The following IPO7 variants were observed in gnomAD, a reference collection of about 807,000 sequenced individuals.
IPO7 encodes importin 7, also known as importin-7.
A neutral mutation model predicts 136.4 loss-of-function variants in IPO7; 13 were observed. The ratio of observed to expected loss-of-function variants is 0.10; its 90% confidence interval spans 0.06 to 0.15. IPO7 has a LOEUF of 0.15. Among genes scored for constraint, IPO7 ranks in the 10% least tolerant of loss-of-function variants. The pLI, the probability that IPO7 is intolerant of heterozygous loss-of-function variation, is 1.00. For synonymous variants in IPO7, 403 were observed against 404.4 expected, an observed-to-expected ratio of 1.00 and a Z score of 0.04; for missense variants, 857 against 1,240.6, an observed-to-expected ratio of 0.69 and a Z score of 4.65.
chr11:9,427,813 G>A (rs543172891), intron 12 of IPO7, among the ~76,000 whole-genome samples: 1 of 152,272 alleles, frequency 6.6e-6, no homozygotes, highest in South Asian at 2.1e-4. Flanking sequence ...CCTTTTTAAA[G>A]TTTCACAAGA....
Position 9,435,035 on chromosome 11 carries a change from G to A in IPO7, c.2172+4G>A. Reference sequence around the variant, plus strand: ...GATATACAGTATGTGCAAAAAGGTAGGTCATTTTTATATATCAGATTTCAT... The same window carrying A: ...GATATACAGTATGTGCAAAAAGGTAAGTCATTTTTATATATCAGATTTCAT... On this transcript the variant is annotated splice_donor_region_variant and intron_variant, in intron 19 of 24. Transcript: ENST00000379719. The A allele has an allele frequency of 6.4e-7, 1 of 1,557,614 alleles. No homozygotes were observed. The highest frequency in any genetic ancestry group is 2.2e-5 in the East Asian group (1 of 44,544).
chr11:9,402,474 A>G (rs995772331), intron 1 of IPO7, among the ~76,000 whole-genome samples: 2 of 149,572 alleles, frequency 1.3e-5, no homozygotes, highest in Non-Finnish European at 3.0e-5. Context: ...CTGTAACCCC[A>G]GTACTTTCAG....
At chr11:9,396,984 C>T (rs533512279) in intron 1 of IPO7, among the ~76,000 whole-genome samples, 1 of 151,946 alleles carries the variant, frequency 6.6e-6, no homozygotes, top group African/African-American at 2.4e-5. Flanking sequence ...AGAAAGTTTC[C>T]GTGATACTCT....
At position 9,425,281 on chromosome 11, in the gene IPO7, G is replaced by T; in HGVS notation, c.1335+19G>T. The T allele has an allele frequency of 1.5e-6, 2 of 1,323,378 alleles. No homozygotes were observed. The highest frequency in any genetic ancestry group is 2.3e-5 in the South Asian group (2 of 85,254). The allele number at this position is 1,323,378 out of a possible 1,614,324, so 82.0% of individuals were successfully genotyped here. ...TCTGAAGGTATTCTTTAGTGTGTTTGTATGTGCATGACTATGCAAGTAGTT... is the reference window on the plus strand; with the variant it reads ...TCTGAAGGTATTCTTTAGTGTGTTTTTATGTGCATGACTATGCAAGTAGTT... On this transcript the variant is annotated intron_variant, in intron 12 of 24. Coordinates refer to ENST00000379719, the MANE Select transcript of IPO7 (RefSeq NM_006391.3).
At chr11:9,437,482 C>T (rs2133764084) in intron 20 of IPO7, among the ~76,000 whole-genome samples, 1 of 151,786 alleles carries the variant, frequency 6.6e-6, no homozygotes, top group East Asian at 2.0e-4. Context: ...TCTTGATCTC[C>T]TGACCTCGTG....
rs746297054 is a variant in IPO7 at position 9,445,061 on chromosome 11, A to T, written c.3020-36A>T. On this transcript the variant is annotated intron_variant, in intron 24 of 24. Coordinates refer to ENST00000379719, the MANE Select transcript of IPO7 (RefSeq NM_006391.3). ...CAGTTTCTCACCAAGTTAGTAGATG[A>T]TTGAATGCCCTACTAAAATTTTATT... 3 of 1,303,128 alleles carry T rather than the reference A, an allele frequency of 2.3e-6. No individual in the cohort carries two copies. In the African/African-American group the frequency reaches 4.4e-5, roughly 19 times the overall value. 80.7% of individuals were successfully genotyped at this position (1,303,128 alleles called of 1,614,324 possible).
At chr11:9,414,437 G>C in intron 5 of IPO7, 26 bp downstream of exon 5, 1 of 1,475,686 alleles carries the variant, frequency 6.8e-7, no homozygotes, top group Non-Finnish European at 9.2e-7. Context: ...CAGTTTTTAT[G>C]CATAAAAAGT....
At chr11:9,437,032 C>G (rs1056391150) in intron 20 of IPO7, among the ~76,000 whole-genome samples, 6 of 149,210 alleles carry the variant, frequency 4.0e-5, no homozygotes, top group African/African-American at 1.2e-4. Context: ...TTATAGGTGC[C>G]TGCCACCACA....
chr11:9,400,661 G>A (rs7396544), intron 1 of IPO7, among the ~76,000 whole-genome samples: 79,001 of 151,188 alleles, frequency 0.52, 22,621 homozygotes, highest in Non-Finnish European at 0.65. Flanking sequence ...TGACCTCGTG[G>A]TCCGCCCGCC....
chr11:9,433,740 C>T lies in IPO7; in HGVS notation c.1968C>T (p.Phe656=). Residue 656 remains phenylalanine (F), a synonymous_variant, in exon 18 of 25, where the codon TTC becomes TTT. Coordinates refer to ENST00000379719, the MANE Select transcript of IPO7 (RefSeq NM_006391.3). ...TTTTAGAATTCTATGAGGAGATCTTCTCTTTAGCGCACAGTTTGACATGTC... is the reference window on the plus strand; with the variant it reads ...TTTTAGAATTCTATGAGGAGATCTTTTCTTTAGCGCACAGTTTGACATGTC... ...QHVLEFYEEI[F]SLAHSLTCQQ... The T allele has an allele frequency of 6.2e-7, 1 of 1,612,494 alleles. No homozygotes were observed. Among genetic ancestry groups the T allele is most frequent in the Non-Finnish European group, 8.5e-7 (1 of 1,179,956 alleles).
intron 10 of IPO7, 66 bp from the exon 11 acceptor site, chr11:9,424,848 C>T (rs1394688623): frequency 9.9e-7 from 1 of 1,006,496 alleles, no homozygotes; most frequent in Non-Finnish European, 1.5e-6. Context: ...AAAGATTAAG[C>T]ATGTTTTTTA....
intron 1 of IPO7, among the ~76,000 whole-genome samples, chr11:9,388,864 G>T (rs1208505049): frequency 6.6e-6 from 1 of 152,028 alleles, no homozygotes; most frequent in East Asian, 1.9e-4. Flanking sequence ...ACCACGCCTG[G>T]CCTAATTTTA....
intron 1 of IPO7, among the ~76,000 whole-genome samples, chr11:9,400,612 C>T (rs1030079472): frequency 4.6e-5 from 7 of 151,732 alleles, no homozygotes; most frequent in Non-Finnish European, 7.4e-5. Flanking sequence ...TTAGTACAGA[C>T]GGGATTTCAC....
Position 9,442,093 on chromosome 11 carries a change from G to T in IPO7, c.2915G>T (p.Arg972Leu), listed in dbSNP as rs1401266185. The T allele has an allele frequency of 6.4e-7, 1 of 1,566,600 alleles. No individual in the cohort carries two copies. Among genetic ancestry groups the T allele is most frequent in the Admixed American group, 1.7e-5 (1 of 59,040 alleles). ...TATTTTTTGATAGCTATTCAAAATC[G>T]TAATCCTGTGTGGTATCAGGCACTG... ...FKAIFQTIQN[R>L]NPVWYQALTH... Residue 972 changes from arginine to leucine, a missense_variant, in exon 24 of 25, where the codon CGT (arginine) becomes CTT (leucine). This residue lies in a region of IPO7 where 119 missense variants were observed against 155.5 expected (regional missense o/e 0.77). Coordinates refer to ENST00000379719, the MANE Select transcript of IPO7 (RefSeq NM_006391.3).
chr11:9,387,837 A>G (rs559077977), intron 1 of IPO7, among the ~76,000 whole-genome samples: 4 of 149,858 alleles, frequency 2.7e-5, no homozygotes, highest in Admixed American at 2.0e-4. Flanking sequence ...TCTCAAAAAA[A>G]TTAATTAATT....
Position 9,446,644 on chromosome 11 carries a change from A to G in IPO7, c.*1450A>G, listed in dbSNP as rs1208532325. The stretch of plus-strand genomic sequence containing the variant: ...ATTTCAAATTGAAAGCAACATCTTA[A>G]TGGATTCAAAACTATTACAAGCTGT... On this transcript the variant is annotated 3_prime_UTR_variant, in exon 25 of 25. Transcript: ENST00000379719. The G allele has an allele frequency of 6.6e-6, 1 of 152,182 alleles. No individual in the cohort carries two copies. Among genetic ancestry groups the G allele is most frequent in the East Asian group, 1.9e-4 (1 of 5,202 alleles). 9.4% of individuals were successfully genotyped at this position (152,182 alleles called of 1,614,324 possible).
At chr11:9,426,364 T>C (rs1855208026) in intron 12 of IPO7, among the ~76,000 whole-genome samples, 1 of 152,252 alleles carries the variant, frequency 6.6e-6, no homozygotes, top group African/African-American at 2.4e-5. Context: ...TTTTTCCTTT[T>C]TGTTGCCAAA....
At chr11:9,423,662 T>G in intron 9 of IPO7, 115 bp from the exon 10 acceptor site, 2 of 624,700 alleles carry the variant, frequency 3.2e-6, no homozygotes, top group Non-Finnish European at 5.6e-6. Context: ...TACTAACGTT[T>G]GATATTAAGC....
At chr11:9,438,950 CG>C (rs1274402001) in intron 22 of IPO7, among the ~76,000 whole-genome samples, 1 of 152,084 alleles carries the variant, frequency 6.6e-6, no homozygotes, top group East Asian at 1.9e-4. Context: ...AGAGTTGACA[CG>C]AAGTGCTGAG....
Sources: gnomAD v4.1 joint callset for allele counts (sites outside exome capture counted in the v4.1 genomes callset) on GRCh38, gnomAD v4.1.1 for gene constraint, gnomAD v4.1.1 regional missense constraint, MANE v1.5 for transcripts, NCBI Gene and HGNC (gene_info 2026-07-23, HGNC 2026-07-21) for gene names.